Variants in ZNF804A observed in about 807,000 individuals in gnomAD.
The protein encoded by ZNF804A is zinc finger protein 804A.
Under a neutral mutation model 16.5 loss-of-function variants are expected in ZNF804A, and 2 were observed. The ratio of observed to expected loss-of-function variants is 0.12; its 90% CI spans 0.05 to 0.38. ZNF804A has a LOEUF of 0.38. Ranked by LOEUF, ZNF804A falls within the 10% of genes least tolerant of loss-of-function variation. The pLI is 0.99. For synonymous variants in ZNF804A, 534 were observed against 489.6 expected (o/e 1.09, Z -1.20); for missense variants, 1,473 against 1,390.7 (o/e 1.06, Z -0.94).
intron 1 of ZNF804A, among the ~76,000 whole-genome samples, chr2:184,731,794 C>T (rs574521607): frequency 1.3e-5 from 2 of 152,008 alleles, no homozygotes; most frequent in East Asian, 1.9e-4. Context: ...AGGCTGATCT[C>T]GAACTTTTGG....
chr2:184,663,349 C>T (rs946926283), intron 1 of ZNF804A, among the ~76,000 whole-genome samples: 7 of 152,086 alleles, frequency 4.6e-5, no homozygotes, highest in Admixed American at 1.3e-4. Flanking sequence ...ATGCACGTGC[C>T]GGGTGGTGCT....
At chr2:184,797,728 C>T (rs941495180) in intron 1 of ZNF804A, among the ~76,000 whole-genome samples, 1 of 152,164 alleles carries the variant, frequency 6.6e-6, no homozygotes, top group Non-Finnish European at 1.5e-5. Context: ...ATTCATCATG[C>T]TATTTGTTTC....
At chr2:184,652,517 T>C (rs191702708) in intron 1 of ZNF804A, among the ~76,000 whole-genome samples, 3 of 152,292 alleles carry the variant, frequency 2.0e-5, no homozygotes, top group Admixed American at 6.5e-5. Context: ...TACTAATTCA[T>C]TGGATTTTGA....
Position 184,704,351 on chromosome 2 carries a change from C to A in ZNF804A, c.111+105281C>A, listed in dbSNP as rs192449922. Among the ~76,000 whole-genome samples the A allele has an allele frequency of 2.0e-5, 3 of 152,096 alleles. No individual in the cohort carries two copies. The East Asian group carries it at 5.8e-4, about 29-fold the overall frequency. On this transcript the variant is annotated intron_variant, in intron 1 of 3. Coordinates refer to ENST00000302277, the MANE Select transcript of ZNF804A (RefSeq NM_194250.2). Reference sequence around the variant, plus strand: ...AGTTTTAGTAGAGACGGGGTTTCTCCATATTGGTCAGGCTGGTCTCGAACT... The same window carrying A: ...AGTTTTAGTAGAGACGGGGTTTCTCAATATTGGTCAGGCTGGTCTCGAACT...
intron 1 of ZNF804A, among the ~76,000 whole-genome samples, chr2:184,606,408 C>T (rs148465218): frequency 3.7e-4 from 57 of 152,192 alleles, no homozygotes; most frequent in Non-Finnish European, 5.9e-4. Context: ...CTTACTATCA[C>T]GAGAACAGCA....
Position 184,937,561 on chromosome 2 carries a change from A to C in ZNF804A, c.2165A>C (p.Tyr722Ser). ...GKHNLTYSRT[Y>S]CCWKTKMSSC... ...CATAATTTAACATATTCTAGAACTT[A>C]CTGTTGTTGGAAAACCAAAATGTCA... The change falls in exon 4 of 4, where the codon TAC (tyrosine) becomes TCC (serine). Residue 722 changes from tyrosine (Y) to serine (S), a missense_variant. By Grantham distance (144) the Tyr-to-Ser change is moderately radical (BLOSUM62 -2). Transcript: ENST00000302277. 1 of 1,612,232 alleles carries C rather than the reference A, an allele frequency of 6.2e-7. No homozygotes were observed. The highest frequency in any genetic ancestry group is 8.5e-7 in the Non-Finnish European group (1 of 1,179,506).
At chr2:184,623,300 A>T (rs530541340) in intron 1 of ZNF804A, among the ~76,000 whole-genome samples, 8 of 152,204 alleles carry the variant, frequency 5.3e-5, no homozygotes, top group South Asian at 2.1e-4. Flanking sequence ...ACATGAAATT[A>T]AAAAAATTCA....
intron 2 of ZNF804A, among the ~76,000 whole-genome samples, chr2:184,928,415 T>C (rs1685642795): frequency 6.6e-6 from 1 of 151,946 alleles, no homozygotes; most frequent in South Asian, 2.1e-4. Flanking sequence ...CCCCTATCTC[T>C]CTTCAAGCAG....
At chr2:184,681,526 G>C (rs1692539777) in intron 1 of ZNF804A, among the ~76,000 whole-genome samples, 1 of 152,152 alleles carries the variant, frequency 6.6e-6, no homozygotes, top group Non-Finnish European at 1.5e-5. Flanking sequence ...CTAAAAACAG[G>C]TCTGAGTTTT....
At chr2:184,905,835 T>G (rs1231038455) in intron 2 of ZNF804A, among the ~76,000 whole-genome samples, 2 of 152,150 alleles carry the variant, frequency 1.3e-5, no homozygotes, top group African/African-American at 4.8e-5. Context: ...TTCTAGCTGT[T>G]CCAATTTAAA....
At chr2:184,923,191 A>C (rs1685557501) in intron 2 of ZNF804A, among the ~76,000 whole-genome samples, 1 of 152,050 alleles carries the variant, frequency 6.6e-6, no homozygotes, top group Admixed American at 6.6e-5. Flanking sequence ...AAAATGGAAT[A>C]CATTTCTACT....
chr2:184,865,794 C>T (rs1162645856), intron 1 of ZNF804A, among the ~76,000 whole-genome samples: 3 of 151,924 alleles, frequency 2.0e-5, no homozygotes, highest in Non-Finnish European at 2.9e-5. Context: ...AAAGGGTTTT[C>T]TTTTCCAATA....
chr2:184,806,093 T>C (rs569777833), intron 1 of ZNF804A, among the ~76,000 whole-genome samples: 7 of 152,026 alleles, frequency 4.6e-5, no homozygotes, highest in African/African-American at 1.7e-4. Context: ...ATATTTATAG[T>C]CAGAAAAAAA....
chr2:184,629,253 TTAA>T (rs1481137995), intron 1 of ZNF804A, among the ~76,000 whole-genome samples: 2 of 152,036 alleles, frequency 1.3e-5, no homozygotes, highest in Non-Finnish European at 2.9e-5. Context: ...GAGAGTAGTT[TTAA>T]TAATAATGTT....
chr2:184,705,810 G>T (rs1237354703), intron 1 of ZNF804A, among the ~76,000 whole-genome samples: 4 of 152,228 alleles, frequency 2.6e-5, no homozygotes, highest in East Asian at 1.9e-4. Flanking sequence ...AGAAAATGTG[G>T]TTTGGGGCTT....
intron 2 of ZNF804A, among the ~76,000 whole-genome samples, chr2:184,893,080 A>G (rs1181665109): frequency 6.6e-6 from 1 of 152,190 alleles, no homozygotes; most frequent in Admixed American, 6.5e-5. Flanking sequence ...ATGCTGTGAT[A>G]GTCACTTGAA....
At chr2:184,894,626 A>G (rs1315299245) in intron 2 of ZNF804A, among the ~76,000 whole-genome samples, 1 of 152,074 alleles carries the variant, frequency 6.6e-6, no homozygotes, top group Non-Finnish European at 1.5e-5. Context: ...TAAAATTATT[A>G]TATATTACAC....
intron 2 of ZNF804A, among the ~76,000 whole-genome samples, chr2:184,906,860 G>A (rs1685282452): frequency 6.6e-6 from 1 of 152,164 alleles, no homozygotes; most frequent in Non-Finnish European, 1.5e-5. Context: ...GAGGAAGCCA[G>A]AGATTTGAAG....
At chr2:184,873,151 A>C (rs1696000078) in intron 2 of ZNF804A, among the ~76,000 whole-genome samples, 1 of 152,212 alleles carries the variant, frequency 6.6e-6, no homozygotes, top group East Asian at 1.9e-4. Context: ...TATATATTTT[A>C]GGAACATATC....
Sources: allele counts gnomAD v4.1 joint callset (sites outside exome capture counted in the v4.1 genomes callset), GRCh38; gene constraint gnomAD v4.1.1; transcripts MANE v1.5; gene names NCBI Gene and HGNC (gene_info 2026-07-23, HGNC 2026-07-21).